Variants in PREPL observed in about 807,000 individuals in gnomAD.
PREPL encodes the protein prolyl endopeptidase-like.
A neutral mutation model predicts 70.6 loss-of-function variants in PREPL; 77 were observed. The observed-to-expected ratio is 1.09, with a 90% confidence interval of 0.91 to 1.32. The LOEUF is 1.32. PREPL is among the 40% of genes most tolerant of loss of function. The pLI is 0.00. For missense variants in PREPL, 1,002 were observed against 778.2 expected (o/e 1.29, Z -3.42); for synonymous variants, 315 against 264.8 (o/e 1.19, Z -1.84).
At position 44,323,322 on chromosome 2, in the gene PREPL, A is replaced by G. The variant is rs1181427435; in HGVS notation, c.1569T>C (p.Ser523=). Residue 523 remains serine, a synonymous_variant, in exon 11 of 14, where the codon TCT becomes TCC. Transcript: ENST00000409411. Reference sequence around the variant, plus strand: ...TTATGTAGTTCTTGTGTTTTTCATCAGATGAAGGATTCCCCCATTCTTCTA... The same window carrying G: ...TTATGTAGTTCTTGTGTTTTTCATCGGATGAAGGATTCCCCCATTCTTCTA... ...EELEEWGNPS[S]DEKHKNYIKR... 17 of 1,607,038 alleles carry G rather than the reference A, an allele frequency of 1.1e-5. No homozygotes were observed. The highest frequency in any genetic ancestry group is 1.4e-5 in the Non-Finnish European group (17 of 1,174,004).
At chr2:44,352,827 T>C (rs528569928) in intron 1 of PREPL, among the ~76,000 whole-genome samples, 1 of 151,870 alleles carries the variant, frequency 6.6e-6, no homozygotes, top group South Asian at 2.1e-4. Context: ...ACAGCACATA[T>C]AAAAGACAAA....
At chr2:44,353,616 T>G (rs1676692578) in intron 1 of PREPL, among the ~76,000 whole-genome samples, 1 of 151,846 alleles carries the variant, frequency 6.6e-6, no homozygotes, top group African/African-American at 2.4e-5. Context: ...TAAATAAAAC[T>G]TATTACAAAG....
intron 10 of PREPL, among the ~76,000 whole-genome samples, 160 bp downstream of exon 10, chr2:44,326,552 G>C (rs531116185): frequency 5.3e-5 from 8 of 151,246 alleles, no homozygotes; most frequent in Middle Eastern, 3.4e-3. Context: ...TGCCCAGGCT[G>C]GTCTCGAGCT....
At chr2:44,343,127 C>T (rs1675408232) in intron 4 of PREPL, among the ~76,000 whole-genome samples, 1 of 152,090 alleles carries the variant, frequency 6.6e-6, no homozygotes, top group African/African-American at 2.4e-5. Flanking sequence ...ATAAAATGTA[C>T]AAAATATATG....
chr2:44,343,443 G>A lies in PREPL; in HGVS notation c.349+302C>T, dbSNP rs112123606. Among the ~76,000 whole-genome samples the A allele has an allele frequency of 1.7e-3, 260 of 152,212 alleles. No homozygotes were observed. The Middle Eastern group carries it at 0.027, about 16-fold the overall frequency. On this transcript the variant is annotated intron_variant, in intron 4 of 13. Transcript: ENST00000409411. ...AATAAAATATTAAGATGCAACTTACGTGTAAAAATTTATTCTAGATAATAA... is the reference window on the plus strand; with the variant it reads ...AATAAAATATTAAGATGCAACTTACATGTAAAAATTTATTCTAGATAATAA...
At chr2:44,360,312 A>T (rs949733763) in intron 1 of PREPL, 1 of 152,302 alleles carries the variant, frequency 6.6e-6, no homozygotes, top group Non-Finnish European at 1.5e-5. Context: ...ATATGGACTT[A>T]ATAAAGTAGA....
intron 1 of PREPL, among the ~76,000 whole-genome samples, chr2:44,355,631 C>G (rs1355728238): frequency 6.6e-6 from 1 of 152,220 alleles, no homozygotes; most frequent in African/African-American, 2.4e-5. Flanking sequence ...AATTTATTCT[C>G]TATTCTGTCA....
intron 1 of PREPL, among the ~76,000 whole-genome samples, chr2:44,355,751 T>TTATATA (rs112927329): frequency 0.01 from 1,430 of 141,206 alleles, 14 homozygotes; most frequent in African/African-American, 0.032. Context: ...AAACTACATA[T>TTATATA]TATATATATA....
In PREPL at chr2:44,320,204, A is replaced by G. The variant is rs1291355341; in HGVS notation, c.*1152T>C. The G allele has an allele frequency of 6.8e-6, 11 of 1,613,106 alleles. No individual in the cohort carries two copies. Among genetic ancestry groups the G allele is most frequent in the Admixed American group, 1.7e-5 (1 of 59,960 alleles). On this transcript the variant is annotated 3_prime_UTR_variant, in exon 14 of 14. Transcript: ENST00000409411. Reference sequence around the variant, plus strand: ...ATACTTTTTTAAAAAAATAGGTCCAAAAGACTCAGCCCAGATCGGCTTTGA... The same window carrying G: ...ATACTTTTTTAAAAAAATAGGTCCAGAAGACTCAGCCCAGATCGGCTTTGA...
chr2:44,342,252 C>A (rs1019840029), intron 5 of PREPL, among the ~76,000 whole-genome samples, 165 bp downstream of exon 5: 1 of 152,062 alleles, frequency 6.6e-6, no homozygotes, highest in African/African-American at 2.4e-5. Context: ...TTGAATATTA[C>A]CAGACTCCAA....
intron 1 of PREPL, among the ~76,000 whole-genome samples, chr2:44,354,248 T>A (rs984174320): frequency 6.6e-6 from 1 of 152,192 alleles, no homozygotes. Context: ...ATAAAATTTA[T>A]GGTTATATGA....
rs967764200 is a variant in PREPL at position 44,318,937 on chromosome 2, T to C, written c.*2419A>G. 6.6e-6 allele frequency: 1 copy of C among 152,138 alleles called. No homozygotes were observed. The highest frequency in any genetic ancestry group is 1.9e-4 in the East Asian group (1 of 5,198). 9.4% of individuals were successfully genotyped at this position (152,138 alleles called of 1,614,324 possible). A position where few individuals can be genotyped will look rare whatever the true frequency, so the allele number is the denominator to read the frequency against. ...AATGCAAAATCAACAAATCTGCAAT[T>C]ACAGAAAAAGACTTCAACATACTTT... On this transcript the variant is annotated 3_prime_UTR_variant, in exon 14 of 14. Transcript: ENST00000409411.
At chr2:44,346,151 A>G (rs1675793798) in intron 2 of PREPL, 117 bp downstream of exon 2, 1 of 926,360 alleles carries the variant, frequency 1.1e-6, no homozygotes, top group East Asian at 2.6e-5. Flanking sequence ...AGCATATTTT[A>G]AAGGCCAAAA....
chr2:44,332,675 T>G lies in PREPL; in HGVS notation c.889-19A>C. The G allele has an allele frequency of 6.4e-7, 1 of 1,571,864 alleles. No homozygotes were observed. The highest frequency in any genetic ancestry group is 8.7e-7 in the Non-Finnish European group (1 of 1,153,518). On this transcript the variant is annotated intron_variant, in intron 7 of 13. Transcript: ENST00000409411. ...GAGGGAGCTAAAGAAATACAACAGC[T>G]ATTTTTATTCTTTATTTAGGCCACC...
At position 44,319,505 on chromosome 2, in the gene PREPL, CTA is replaced by C. The variant is rs1410326339; in HGVS notation, c.*1849_*1850del. The stretch of plus-strand genomic sequence containing the variant: ...TTGTCATTAAAAACATTTATGGAGG[CTA>C]TATTATATAGTCAATAACAGAAAAT... On this transcript the variant is annotated 3_prime_UTR_variant, in exon 14 of 14. Transcript: ENST00000409411. 6.6e-6 allele frequency: 1 copy of C among 152,014 alleles called. No individual in the cohort carries two copies. Among genetic ancestry groups the C allele is most frequent in the Admixed American group, 6.6e-5 (1 of 15,248 alleles). The allele number at this position is 152,014 out of a possible 1,614,324, so 9.4% of individuals were successfully genotyped here. A position where few individuals can be genotyped will look rare whatever the true frequency, so the allele number is the denominator to read the frequency against.
At position 44,317,850 on chromosome 2, in the gene PREPL, T is replaced by C. The variant is rs1005954996; in HGVS notation, c.*3506A>G. The C allele has an allele frequency of 1.1e-5, 2 of 179,304 alleles. No homozygotes were observed. Among genetic ancestry groups the C allele is most frequent in the Non-Finnish European group, 2.4e-5 (2 of 83,806 alleles). The allele number at this position is 179,304 out of a possible 1,614,324, so 11.1% of individuals were successfully genotyped here. Reference sequence around the variant, plus strand: ...CTAAATAATACAATAATTACAAATATGAATGGGTTAAATTAGCCTATTAAA... The same window carrying C: ...CTAAATAATACAATAATTACAAATACGAATGGGTTAAATTAGCCTATTAAA... On this transcript the variant is annotated 3_prime_UTR_variant, in exon 14 of 14. Coordinates refer to ENST00000409411, the MANE Select transcript of PREPL (RefSeq NM_001171613.2).
In PREPL at chr2:44,323,300, T is replaced by C. The variant is rs1673166427; in HGVS notation, c.1591A>G (p.Ile531Val). ...TTTTGATAGGGACAGTAACGTTTTA[T>C]GTAGTTCTTGTGTTTTTCATCAGAT... Reference protein sequence around the residue: ...PSSDEKHKNYIKRYCPYQNIK... With the variant: ...PSSDEKHKNYVKRYCPYQNIK... Residue 531 changes from isoleucine to valine, a missense_variant, in exon 11 of 14, where the codon ATA becomes GTA. Physicochemically the swap from Ile to Val is conservative, Grantham distance 29. Coordinates refer to ENST00000409411, the MANE Select transcript of PREPL (RefSeq NM_001171613.2). 1.9e-6 allele frequency: 3 copies of C among 1,608,290 alleles called. No individual in the cohort carries two copies. In the Admixed American group the frequency reaches 5.0e-5, roughly 27 times the overall value.
intron 1 of PREPL, among the ~76,000 whole-genome samples, chr2:44,350,338 T>C: frequency 6.6e-6 from 1 of 151,792 alleles, no homozygotes; most frequent in East Asian, 1.9e-4. Flanking sequence ...ATAAAGGAGA[T>C]AAATCTTAGA....
chr2:44,327,671 G>C (rs1007680425), intron 9 of PREPL, among the ~76,000 whole-genome samples: 2 of 151,980 alleles, frequency 1.3e-5, no homozygotes, highest in African/African-American at 4.8e-5. Flanking sequence ...GACCAGACTG[G>C]CCAACATGGT....
Sources: allele counts gnomAD v4.1 joint callset (sites outside exome capture counted in the v4.1 genomes callset), GRCh38; gene constraint gnomAD v4.1.1; transcripts MANE v1.5; gene names NCBI Gene and HGNC (gene_info 2026-07-23, HGNC 2026-07-21).